ZNRF1: variants seen among roughly 807,000 people sequenced by gnomAD.
ZNRF1 encodes the protein zinc and ring finger 1, also known as E3 ubiquitin-protein ligase ZNRF1.
A neutral mutation model predicts 18.4 loss-of-function variants in ZNRF1; 3 were observed. The ratio of observed to expected loss-of-function variants is 0.16; its 90% CI spans 0.07 to 0.42. ZNRF1 has a LOEUF of 0.42. Among genes scored for constraint, ZNRF1 ranks in the 10% least tolerant of loss-of-function variants. ZNRF1 has a pLI of 0.99. For synonymous variants in ZNRF1, 157 were observed against 144.2 expected, an observed-to-expected ratio of 1.09 and a Z score of -0.64; for missense variants, 310 against 329.8, an observed-to-expected ratio of 0.94 and a Z score of 0.47.
chr16:75,028,718 A>G (rs2035257768), intron 1 of ZNRF1, among the ~76,000 whole-genome samples: 1 of 152,244 alleles, frequency 6.6e-6, no homozygotes, highest in Non-Finnish European at 1.5e-5. Flanking sequence ...CTCAATTGAA[A>G]CAGCTCTTAT....
Position 75,093,661 on chromosome 16 carries a change from T to C in ZNRF1, c.514T>C (p.Tyr172His). 6.2e-7 allele frequency: 1 copy of C among 1,613,674 alleles called. No individual in the cohort carries two copies. The highest frequency in any genetic ancestry group is 8.5e-7 in the Non-Finnish European group (1 of 1,179,606). ...GTGTTTGAGCAAACCTCGCCTCTCC[T>C]ACAACGGTAAGGGCTTGGCCTGCCT... The part of the protein sequence containing the change: ...IMCLSKPRLS[Y>H]NDDVLTKDAG... Residue 172 changes from tyrosine (Y) to histidine (H), a missense_variant, in exon 2 of 5, where the codon TAC becomes CAC. Tyr to His is a moderately conservative substitution (Grantham distance 83). Coordinates refer to ENST00000335325, the MANE Select transcript of ZNRF1 (RefSeq NM_032268.5).
intron 1 of ZNRF1, among the ~76,000 whole-genome samples, chr16:75,086,220 G>A (rs2145415579): frequency 6.6e-6 from 1 of 152,270 alleles, no homozygotes; most frequent in East Asian, 1.9e-4. Flanking sequence ...ATAATGTTGA[G>A]CCAAATAATC....
chr16:75,037,742 A>C (rs1445807035), intron 1 of ZNRF1, among the ~76,000 whole-genome samples: 1 of 152,196 alleles, frequency 6.6e-6, no homozygotes, highest in Non-Finnish European at 1.5e-5. Flanking sequence ...TCTGGACCCC[A>C]AATCTATGAA....
chr16:75,103,049 C>T (rs1181534512), intron 2 of ZNRF1, among the ~76,000 whole-genome samples: 1 of 152,200 alleles, frequency 6.6e-6, no homozygotes, highest in East Asian at 1.9e-4. Context: ...TCCCCATACC[C>T]TCAGCCCTGG....
intron 1 of ZNRF1, among the ~76,000 whole-genome samples, chr16:75,083,485 G>T (rs191611331): frequency 5.9e-5 from 9 of 152,300 alleles, no homozygotes; most frequent in Admixed American, 2.6e-4. Context: ...ACCATGCTTA[G>T]AGTAGAAAAT....
intron 1 of ZNRF1, among the ~76,000 whole-genome samples, chr16:75,081,825 C>G (rs1467478650): frequency 6.6e-6 from 1 of 152,206 alleles, no homozygotes; most frequent in Non-Finnish European, 1.5e-5. Context: ...CCTTTTTCAA[C>G]AGATGGTCCA....
chr16:75,090,241 C>A (rs2036120436), intron 1 of ZNRF1, among the ~76,000 whole-genome samples: 1 of 152,222 alleles, frequency 6.6e-6, no homozygotes, highest in Non-Finnish European at 1.5e-5. Flanking sequence ...CCCCATCGAG[C>A]TGTGACCCTG....
rs200014197 is a variant in ZNRF1, at chr16:75,104,775, C to T, written c.521-9C>T. On this transcript the variant is annotated splice_polypyrimidine_tract_variant and intron_variant, in intron 2 of 4. Transcript: ENST00000335325. ...AACCCTCCTGCACTCTCCCCTGTCC[C>T]CCTTGCAGATGATGTGCTGACTAAA... is the stretch of plus-strand genomic sequence containing the variant. The T allele has an allele frequency of 1.3e-6, 2 of 1,592,788 alleles. No individual in the cohort carries two copies. Among genetic ancestry groups the T allele is most frequent in the Non-Finnish European group, 1.7e-6 (2 of 1,170,358 alleles).
At chr16:75,011,617 A>C (rs1446964974) in intron 1 of ZNRF1, among the ~76,000 whole-genome samples, 1 of 152,154 alleles carries the variant, frequency 6.6e-6, no homozygotes, top group East Asian at 1.9e-4. Context: ...AGATTTCCTC[A>C]ACTCTGGTTA....
chr16:75,073,146 C>CTCTCTCTG (rs60427791), intron 1 of ZNRF1, among the ~76,000 whole-genome samples: 1,502 of 128,178 alleles, frequency 0.012, 20 homozygotes, highest in African/African-American at 0.015. Flanking sequence ...CTCTCTCTCT[C>CTCTCTCTG]TCTCTCTGTC....
intron 1 of ZNRF1, among the ~76,000 whole-genome samples, chr16:75,025,639 C>T (rs2035212358): frequency 1.3e-5 from 2 of 152,176 alleles, no homozygotes; most frequent in Admixed American, 6.5e-5. Context: ...CAGCAAAGAG[C>T]TCGACCCCCA....
rs114476112 is a variant in ZNRF1 at position 75,097,323 on chromosome 16, C to T, written c.520+3656C>T. The stretch of plus-strand genomic sequence containing the variant: ...GAGATGACCCGCTTTTGACTGGAAG[C>T]TTAGGGGTCCTCAGCCCAGGGAGAA... On this transcript the variant is annotated intron_variant, in intron 2 of 4. Transcript: ENST00000335325. Among the ~76,000 whole-genome samples, 814 of 152,174 alleles carry T rather than the reference C, an allele frequency of 5.3e-3. 12 individuals are homozygous for T. The highest frequency in any genetic ancestry group is 0.019 in the African/African-American group (776 of 41,508).
chr16:75,017,643 C>T lies in ZNRF1; in HGVS notation c.424+17548C>T, dbSNP rs115451774. The stretch of plus-strand genomic sequence containing the variant: ...TGACATGGTGTCACTTAGACTAGGC[C>T]TAAAACTGAGATCTCCTTTAATCAT... On this transcript the variant is annotated intron_variant, in intron 1 of 4. Transcript: ENST00000335325. Among the ~76,000 whole-genome samples the T allele has an allele frequency of 6.8e-3, 1,036 of 152,280 alleles. 7 individuals are homozygous for T. Among genetic ancestry groups the T allele is most frequent in the African/African-American group, 0.024 (1,005 of 41,558 alleles).
At chr16:75,078,063 A>G (rs974678341) in intron 1 of ZNRF1, among the ~76,000 whole-genome samples, 1 of 152,178 alleles carries the variant, frequency 6.6e-6, no homozygotes, top group Admixed American at 6.5e-5. Context: ...CCACACCTTT[A>G]TACAACTGGT....
At chr16:75,090,703 A>G (rs956004344) in intron 1 of ZNRF1, among the ~76,000 whole-genome samples, 20 of 152,104 alleles carry the variant, frequency 1.3e-4, no homozygotes, top group African/African-American at 4.1e-4. Flanking sequence ...CATGGAGTCA[A>G]CTGTCCACTT....
intron 3 of ZNRF1, chr16:75,105,981 G>A: frequency 6.3e-6 from 1 of 158,316 alleles, no homozygotes; most frequent in East Asian, 1.8e-4. Context: ...GCTCTCCTAA[G>A]AGGTCACCCA....
At chr16:75,090,315 C>G (rs1367564505) in intron 1 of ZNRF1, among the ~76,000 whole-genome samples, 1 of 152,202 alleles carries the variant, frequency 6.6e-6, no homozygotes, top group Non-Finnish European at 1.5e-5. Context: ...TCCAGCTGTG[C>G]AAGAAAACTG....
chr16:75,102,342 T>C (rs1323053774), intron 2 of ZNRF1, among the ~76,000 whole-genome samples: 1 of 152,144 alleles, frequency 6.6e-6, no homozygotes, highest in East Asian at 1.9e-4. Context: ...GGCTTCCGGA[T>C]CCTCATTCGC....
chr16:75,031,097 A>C (rs1477333843), intron 1 of ZNRF1, among the ~76,000 whole-genome samples: 1 of 150,052 alleles, frequency 6.7e-6, no homozygotes, highest in African/African-American at 2.5e-5. Flanking sequence ...CAGCCTCCCA[A>C]AGTGCTAGGA....
Sources: allele counts gnomAD v4.1 joint callset (sites outside exome capture counted in the v4.1 genomes callset), GRCh38; gene constraint gnomAD v4.1.1; transcripts MANE v1.5; gene names NCBI Gene and HGNC (gene_info 2026-07-23, HGNC 2026-07-21).